PLSCR4: variants seen among roughly 807,000 people sequenced by gnomAD.
PLSCR4 encodes phospholipid scramblase 4, also known as Ca(2+)-dependent phospholipid scramblase 4.
Under a neutral mutation model 36.3 loss-of-function variants are expected in PLSCR4, and 25 were observed. The observed-to-expected ratio is 0.69, with a 90% CI of 0.50 to 0.96. The LOEUF is 0.96. Among genes scored for constraint, PLSCR4 ranks in the 40% least tolerant of loss-of-function variants. The pLI is 0.00. For missense variants in PLSCR4, 408 were observed against 414.7 expected, an observed-to-expected ratio of 0.98 and a Z score of 0.14; for synonymous variants, 122 against 132.9, an observed-to-expected ratio of 0.92 and a Z score of 0.56.
At chr3:146,224,017 G>C (rs995683328) in intron 1 of PLSCR4, among the ~76,000 whole-genome samples, 1 of 149,986 alleles carries the variant, frequency 6.7e-6, no homozygotes, top group Admixed American at 6.7e-5. Flanking sequence ...CCAATTCTGG[G>C]CCAGTAAAAG....
intron 4 of PLSCR4, 99 bp downstream of exon 4, chr3:146,206,426 AC>A (rs1213089486): frequency 1.3e-6 from 1 of 783,140 alleles, no homozygotes; most frequent in Non-Finnish European, 2.2e-6. Flanking sequence ...GTCATCACTG[AC>A]CCATCTCCTT....
At chr3:146,237,403 C>T (rs1224884538) in intron 1 of PLSCR4, among the ~76,000 whole-genome samples, 1 of 152,094 alleles carries the variant, frequency 6.6e-6, no homozygotes, top group Admixed American at 6.5e-5. Flanking sequence ...CTATGTAACA[C>T]TGTAACTGAC....
Position 146,219,894 on chromosome 3 carries a change from C to T in PLSCR4, c.118+921G>A, listed in dbSNP as rs1004843011. 3.3e-5 allele frequency among the ~76,000 whole-genome samples: 5 copies of T among 152,136 alleles called. No individual in the cohort carries two copies. In the East Asian group the frequency reaches 5.8e-4, roughly 18 times the overall value. On this transcript the variant is annotated intron_variant, in intron 3 of 8. Transcript: ENST00000354952. Reference sequence around the variant, plus strand: ...GGTGGAGGTTGTGGTGAGCCAAGATCGCACCATTGCACTCCAGCCTGGGCA... The same window carrying T: ...GGTGGAGGTTGTGGTGAGCCAAGATTGCACCATTGCACTCCAGCCTGGGCA...
intron 3 of PLSCR4, among the ~76,000 whole-genome samples, chr3:146,217,073 T>C (rs2034932063): frequency 6.6e-6 from 1 of 152,168 alleles, no homozygotes; most frequent in Non-Finnish European, 1.5e-5. Context: ...CCAGCTTCTG[T>C]GCTTGCTGCT....
chr3:146,241,907 G>A (rs752733447), intron 1 of PLSCR4, among the ~76,000 whole-genome samples: 1 of 152,166 alleles, frequency 6.6e-6, no homozygotes, highest in African/African-American at 2.4e-5. Context: ...ACATTTCTAC[G>A]TAATCTAAAT....
chr3:146,236,185 G>GA (rs779401191), intron 1 of PLSCR4, among the ~76,000 whole-genome samples: 1 of 152,022 alleles, frequency 6.6e-6, no homozygotes, highest in African/African-American at 2.4e-5. Flanking sequence ...AAGACAATGG[G>GA]AAAAAATGCC....
chr3:146,241,067 T>C (rs1312952035), intron 1 of PLSCR4, among the ~76,000 whole-genome samples: 1 of 152,108 alleles, frequency 6.6e-6, no homozygotes, highest in Non-Finnish European at 1.5e-5. Flanking sequence ...ATTACACTAC[T>C]AGAAAGAAGT....
At chr3:146,200,119 G>T in intron 5 of PLSCR4, 80 bp from the exon 6 acceptor site, 1 of 798,288 alleles carries the variant, frequency 1.3e-6, no homozygotes, top group Non-Finnish European at 2.1e-6. Context: ...ATTTCTTAAG[G>T]GCTTAAAGCA....
intron 1 of PLSCR4, 70 bp downstream of exon 1, chr3:146,250,890 C>T (rs1244826421): frequency 6.5e-6 from 1 of 152,804 alleles, no homozygotes; most frequent in Non-Finnish European, 1.5e-5. Context: ...TGACGACGCC[C>T]TCGGCCCCGC....
chr3:146,239,812 G>A (rs1392453030), intron 1 of PLSCR4, among the ~76,000 whole-genome samples: 1 of 152,132 alleles, frequency 6.6e-6, no homozygotes, highest in East Asian at 1.9e-4. Flanking sequence ...GAACCCGGGA[G>A]GTGGGGGTTG....
chr3:146,212,619 A>C (rs1218480303), intron 3 of PLSCR4, among the ~76,000 whole-genome samples: 2 of 151,888 alleles, frequency 1.3e-5, no homozygotes, highest in Non-Finnish European at 2.9e-5. Context: ...CACTGCACCC[A>C]GCTTAGACTT....
intron 4 of PLSCR4, among the ~76,000 whole-genome samples, chr3:146,202,632 A>C (rs1187735282): frequency 1.3e-5 from 2 of 152,034 alleles, no homozygotes; most frequent in Non-Finnish European, 2.9e-5. Context: ...TGCCATATCA[A>C]TTGACTGACT....
At chr3:146,232,369 C>A (rs1401690636) in intron 1 of PLSCR4, among the ~76,000 whole-genome samples, 1 of 152,076 alleles carries the variant, frequency 6.6e-6, no homozygotes, top group Non-Finnish European at 1.5e-5. Context: ...CTTTCTAATT[C>A]TGTGAAAAAT....
chr3:146,222,366 A>C, intron 1 of PLSCR4: 1 of 207,800 alleles, frequency 4.8e-6, no homozygotes, highest in Non-Finnish European at 9.5e-6. Flanking sequence ...AAAGTCAAGA[A>C]ATGTTAAAGT....
At chr3:146,200,968 A>G in intron 5 of PLSCR4, 67 bp downstream of exon 5, 1 of 985,442 alleles carries the variant, frequency 1.0e-6, no homozygotes, top group East Asian at 2.6e-5. Context: ...AGAAGGAACT[A>G]GATATTGGAT....
intron 1 of PLSCR4, among the ~76,000 whole-genome samples, chr3:146,237,341 G>T (rs1292943832): frequency 6.6e-6 from 1 of 152,066 alleles, no homozygotes; most frequent in East Asian, 1.9e-4. Context: ...AAAAACTGAT[G>T]AAATTGATGG....
At chr3:146,206,381 G>A (rs113073313) in intron 4 of PLSCR4, 145 bp downstream of exon 4, 1 of 617,882 alleles carries the variant, frequency 1.6e-6, no homozygotes, top group Non-Finnish European at 2.9e-6. Flanking sequence ...TCTGAAACTG[G>A]TATCACTGTT....
chr3:146,246,431 G>C (rs2036341409), intron 1 of PLSCR4, among the ~76,000 whole-genome samples: 1 of 151,920 alleles, frequency 6.6e-6, no homozygotes, highest in Non-Finnish European at 1.5e-5. Flanking sequence ...TTGGAGGTTA[G>C]CTATTTGGCT....
chr3:146,207,622 T>C (rs1350630518), intron 3 of PLSCR4, among the ~76,000 whole-genome samples: 1 of 152,036 alleles, frequency 6.6e-6, no homozygotes, highest in African/African-American at 2.4e-5. Flanking sequence ...GCTCCACTCT[T>C]TTGATTTAAT....
Sources: gnomAD v4.1 joint callset for allele counts (sites outside exome capture counted in the v4.1 genomes callset) on GRCh38, gnomAD v4.1.1 for gene constraint, MANE v1.5 for transcripts, NCBI Gene and HGNC (gene_info 2026-07-23, HGNC 2026-07-21) for gene names.